Variants in AGAP1 observed in about 807,000 individuals in gnomAD.
AGAP1 encodes ArfGAP with GTPase domain, ankyrin repeat and PH domain 1.
In AGAP1, 29 loss-of-function variants were observed where a neutral mutation model predicts 105.3. That is an observed-to-expected ratio of 0.28 (90% CI 0.21 to 0.38). The LOEUF is 0.38. AGAP1 is among the 10% of genes least tolerant of loss of function. The probability of loss-of-function intolerance (pLI) is 1.00; values close to 1 mark genes in which losing one functional copy is unlikely to be tolerated. For synonymous variants in AGAP1, 509 were observed against 485.9 expected (o/e 1.05, Z -0.63); for missense variants, 998 against 1,165.1 (o/e 0.86, Z 2.09).
At chr2:235,817,689 A>G (rs755567042) in intron 9 of AGAP1, among the ~76,000 whole-genome samples, 4 of 152,280 alleles carry the variant, frequency 2.6e-5, no homozygotes, top group Middle Eastern at 3.4e-3. Flanking sequence ...CCAGGAGTTC[A>G]AAACCAGCCT....
In AGAP1 at chr2:235,702,934, G is replaced by GTGTTTTTTTTTTTTTTTTTTTTTTTTTT. The variant is rs1553609552; in HGVS notation, c.164-6244_164-6243insGTTTTTTTTTTTTTTTTTTTTTTTTTTT. 2.4e-4 allele frequency among the ~76,000 whole-genome samples: 21 copies of GTGTTTTTTTTTTTTTTTTTTTTTTTTTT among 88,958 alleles called. 1 individual carries two copies. Among genetic ancestry groups the GTGTTTTTTTTTTTTTTTTTTTTTTTTTT allele is most frequent in the Admixed American group, 4.5e-4 (3 of 6,678 alleles). 58.4% of individuals were successfully genotyped at this position (88,958 alleles called of 152,430 possible). ...TGGTCACTGTGAGCCAGTTTTCTTG[G>GTGTTTTTTTTTTTTTTTTTTTTTTTTTT]TTTTTTTTTTTTGGACAGAGTCTGG... is the stretch of plus-strand genomic sequence containing the variant. On this transcript the variant is annotated intron_variant, in intron 1 of 17. Transcript: ENST00000304032.
At chr2:235,820,108 C>G (rs1958707891) in intron 9 of AGAP1, among the ~76,000 whole-genome samples, 1 of 152,018 alleles carries the variant, frequency 6.6e-6, no homozygotes, top group Non-Finnish European at 1.5e-5. Context: ...TCTCCATGTT[C>G]AGGCCGGTCT....
rs10191139 is a variant in AGAP1, at chr2:236,003,553, C to G, written c.1646-33008C>G. Among the ~76,000 whole-genome samples the G allele has an allele frequency of 7.6e-3, 1,164 of 152,318 alleles. 10 individuals are homozygous for G. The highest frequency in any genetic ancestry group is 0.027 in the African/African-American group (1,103 of 41,562). ...CAGAGCCCAGAGTCACCCGCAGCCC[C>G]CCTGCGCTGCTGCTGCCCGCATGGG... On this transcript the variant is annotated intron_variant, in intron 13 of 17. Transcript: ENST00000304032. This position sits in a 1 kb window ranked among gnomAD's most constrained non-coding sequence, Gnocchi z 4.2.
chr2:235,581,108 C>T (rs7586230), intron 1 of AGAP1, among the ~76,000 whole-genome samples: 56,004 of 142,844 alleles, frequency 0.39, 11,200 homozygotes, highest in Middle Eastern at 0.57. Flanking sequence ...ACTAGCCTGG[C>T]CAACATGGTG....
intron 3 of AGAP1, among the ~76,000 whole-genome samples, chr2:235,738,402 G>A (rs1399306206): frequency 6.6e-6 from 1 of 151,922 alleles, no homozygotes; most frequent in Non-Finnish European, 1.5e-5. Context: ...TGAGTTACGT[G>A]CTGGAGGTCA....
At chr2:235,718,345 C>T in intron 3 of AGAP1, 8 of 984,230 alleles carry the variant, frequency 8.1e-6, no homozygotes, top group Non-Finnish European at 9.7e-6. Flanking sequence ...ATTTCTGGTT[C>T]CTTCTTTTTC....
At chr2:235,763,463 T>C (rs554594237) in intron 6 of AGAP1, among the ~76,000 whole-genome samples, 1 of 152,314 alleles carries the variant, frequency 6.6e-6, no homozygotes, top group East Asian at 1.9e-4. Context: ...TTTGGTTGGT[T>C]TTTTATCCCT....
In AGAP1 at chr2:235,970,869, C is replaced by T. The variant is rs996875480; in HGVS notation, c.1645+2246C>T. On this transcript the variant is annotated intron_variant, in intron 13 of 17. Transcript: ENST00000304032. The surrounding 1 kb of genome is among the most constrained non-coding windows in gnomAD (Gnocchi z 5.4). ...GAGTGAGTGGGATGGTATGTGTGTG[C>T]GAGGCAATAGTGGATACCCAGGCTG... Among the ~76,000 whole-genome samples, 13 of 152,242 alleles carry T rather than the reference C, an allele frequency of 8.5e-5. No homozygotes were observed. The highest frequency in any genetic ancestry group is 2.2e-4 in the African/African-American group (9 of 41,536).
intron 1 of AGAP1, among the ~76,000 whole-genome samples, chr2:235,508,934 C>T (rs761518014): frequency 5.9e-5 from 9 of 152,338 alleles, no homozygotes; most frequent in Non-Finnish European, 1.0e-4. Flanking sequence ...ATCCAGTGCA[C>T]GGGCGGGATG....
chr2:236,106,402 G>A (rs892465056), intron 16 of AGAP1, among the ~76,000 whole-genome samples: 6 of 152,238 alleles, frequency 3.9e-5, no homozygotes, highest in East Asian at 1.9e-4. Context: ...CTGCGGCAGC[G>A]CACAGGGCTC....
chr2:235,613,395 T>C (rs990903806), intron 1 of AGAP1, among the ~76,000 whole-genome samples: 4 of 152,214 alleles, frequency 2.6e-5, no homozygotes, highest in African/African-American at 9.6e-5. Flanking sequence ...ATGGGTTCTA[T>C]CTTAAAATCC....
At chr2:236,023,359 A>G (rs1021557152) in intron 13 of AGAP1, among the ~76,000 whole-genome samples, 2 of 152,178 alleles carry the variant, frequency 1.3e-5, no homozygotes, top group Non-Finnish European at 2.9e-5. Context: ...GCTCATGGGC[A>G]CCAGTCCGTC....
intron 16 of AGAP1, among the ~76,000 whole-genome samples, chr2:236,100,279 T>TC (rs2059314057): frequency 1.3e-5 from 2 of 152,190 alleles, no homozygotes; most frequent in African/African-American, 4.8e-5. Flanking sequence ...AAACTCTGTG[T>TC]CGATGGTAGA....
chr2:235,703,072 C>T (rs577799062), intron 1 of AGAP1, among the ~76,000 whole-genome samples: 52 of 151,740 alleles, frequency 3.4e-4, no homozygotes, highest in Non-Finnish European at 5.9e-4. Flanking sequence ...GGATTACAGG[C>T]GCACACCACC....
At chr2:235,968,722 G>A (rs1004948932) in intron 13 of AGAP1, 99 bp downstream of exon 13, 2 of 1,235,740 alleles carry the variant, frequency 1.6e-6, no homozygotes, top group Admixed American at 2.6e-5. Flanking sequence ...CACAACAAAT[G>A]CACAGTAATG....
At chr2:235,606,565 GCCAATCCTGAGT>G (rs147706969) in intron 1 of AGAP1, among the ~76,000 whole-genome samples, 9,930 of 152,222 alleles carry the variant, frequency 0.065, 984 homozygotes, top group African/African-American at 0.22. Context: ...CAAATCGAAA[GCCAATCCTGAGT>G]CATAGAAGCA....
chr2:235,871,435 G>A (rs2049434019), intron 9 of AGAP1, among the ~76,000 whole-genome samples: 1 of 152,134 alleles, frequency 6.6e-6, no homozygotes, highest in African/African-American at 2.4e-5. Context: ...CCGGGAGGGG[G>A]CAGGTTGCTA....
At chr2:235,921,013 T>A (rs567450675) in intron 11 of AGAP1, among the ~76,000 whole-genome samples, 31 of 152,374 alleles carry the variant, frequency 2.0e-4, no homozygotes, top group African/African-American at 6.0e-4. Flanking sequence ...AGGTTCCATC[T>A]TCTTTTAGTT....
At chr2:235,539,291 A>G (rs1943355435) in intron 1 of AGAP1, among the ~76,000 whole-genome samples, 2 of 152,220 alleles carry the variant, frequency 1.3e-5, no homozygotes, top group South Asian at 2.1e-4. Flanking sequence ...TAGATATACC[A>G]TCAGGGCATG....
Sources: allele counts gnomAD v4.1 joint callset (sites outside exome capture counted in the v4.1 genomes callset), GRCh38; gene constraint gnomAD v4.1.1; non-coding constraint Gnocchi (gnomAD v3.1); transcripts MANE v1.5; gene names NCBI Gene and HGNC (gene_info 2026-07-23, HGNC 2026-07-21).